RNF216: variants seen among roughly 807,000 people sequenced by gnomAD.
The protein encoded by RNF216 is ring finger protein 216.
RNF216 carries 72 observed loss-of-function variants against 110.8 expected under a neutral mutation model. The observed-to-expected ratio is 0.65, with a 90% CI of 0.54 to 0.79. The LOEUF (loss-of-function observed/expected upper bound fraction) is 0.79. Among genes scored for constraint, RNF216 ranks in the 30% least tolerant of loss-of-function variants. The pLI, the probability that RNF216 is intolerant of heterozygous loss-of-function variation, is 0.00. For synonymous variants in RNF216, 495 were observed against 407.5 expected (o/e 1.21, Z -2.59); for missense variants, 1,342 against 1,141.2 (o/e 1.18, Z -2.54).
At chr7:5,665,188 G>C (rs7804319) in intron 13 of RNF216, among the ~76,000 whole-genome samples, 12,220 of 152,210 alleles carry the variant, frequency 0.08, 579 homozygotes, top group African/African-American at 0.12. Flanking sequence ...TCACCATGCA[G>C]GGGATTCCTC....
chr7:5,759,630 C>CTTT (rs1410771169), intron 2 of RNF216, among the ~76,000 whole-genome samples: 7 of 5,810 alleles, frequency 1.2e-3, no homozygotes, highest in African/African-American at 1.5e-3. Context: ...AGTCATTTTT[C>CTTT]TTCTTTTTTT....
At chr7:5,709,566 A>C (rs1792529158) in intron 13 of RNF216, among the ~76,000 whole-genome samples, 2 of 152,138 alleles carry the variant, frequency 1.3e-5, no homozygotes, top group South Asian at 4.1e-4. Flanking sequence ...TGTTTCACTG[A>C]CCACAAGAAG....
intron 1 of RNF216, among the ~76,000 whole-genome samples, chr7:5,778,688 C>CT (rs1283147215): frequency 2.6e-5 from 4 of 152,234 alleles, no homozygotes; most frequent in African/African-American, 9.6e-5. Flanking sequence ...AAGTTCCACG[C>CT]TGACCCTTAC....
intron 5 of RNF216, among the ~76,000 whole-genome samples, chr7:5,737,698 A>T (rs551017302): frequency 6.6e-6 from 1 of 152,286 alleles, no homozygotes; most frequent in South Asian, 2.1e-4. Context: ...CTTCCTTCTC[A>T]GCCTTGGCAG....
intron 13 of RNF216, among the ~76,000 whole-genome samples, chr7:5,704,993 G>T (rs900362644): frequency 6.6e-6 from 1 of 152,142 alleles, no homozygotes; most frequent in African/African-American, 2.4e-5. Context: ...GGCATAAAAA[G>T]ATGTGAATAA....
chr7:5,626,751 T>TG lies in RNF216; in HGVS notation c.2383-2627dup, dbSNP rs547360125. 7.9e-5 allele frequency among the ~76,000 whole-genome samples: 12 copies of TG among 152,162 alleles called. No individual in the cohort carries two copies. The East Asian group carries it at 2.3e-3, about 29-fold the overall frequency. The stretch of plus-strand genomic sequence containing the variant: ...CGTGGGCCTACACCTCTTAGCTAAG[T>TG]GAGCTCGGCAGGTTCCTGAGTATCC... On this transcript the variant is annotated intron_variant, in intron 15 of 16. Transcript: ENST00000389902.
intron 1 of RNF216, among the ~76,000 whole-genome samples, chr7:5,778,649 G>A (rs968576219): frequency 2.6e-5 from 4 of 152,154 alleles, no homozygotes; most frequent in Non-Finnish European, 4.4e-5. Flanking sequence ...GATAATTAGT[G>A]GCATGAACTC....
At chr7:5,725,558 T>C (rs1046556978) in intron 7 of RNF216, 120 bp from the exon 8 acceptor site, 36 of 660,992 alleles carry the variant, frequency 5.4e-5, no homozygotes, top group Admixed American at 5.1e-4. Flanking sequence ...TGGCTAACAA[T>C]TGGTAGTGGC....
rs1554341032 is a variant in RNF216, at chr7:5,622,836, C to A, written c.*24G>T. 23 of 1,571,972 alleles carry A rather than the reference C, an allele frequency of 1.5e-5. No homozygotes were observed. The highest frequency in any genetic ancestry group is 1.5e-5 in the Non-Finnish European group (17 of 1,155,694). ...ACTCCTACCCCAAACGGGCTTTGTG[C>A]TGCTCAATGGGGATTCGGGGCCATC... On this transcript the variant is annotated 3_prime_UTR_variant, in exon 17 of 17. Coordinates refer to ENST00000389902, the MANE Select transcript of RNF216 (RefSeq NM_207111.4).
intron 13 of RNF216, among the ~76,000 whole-genome samples, chr7:5,655,543 T>A (rs948711065): frequency 2.0e-5 from 3 of 150,982 alleles, no homozygotes; most frequent in Admixed American, 6.6e-5. Flanking sequence ...GGGGCGGAGG[T>A]TGCAGTGAGC....
chr7:5,682,637 C>G (rs1301056147), intron 13 of RNF216, among the ~76,000 whole-genome samples: 1 of 152,108 alleles, frequency 6.6e-6, no homozygotes, highest in African/African-American at 2.4e-5. Context: ...GAACTCCTGA[C>G]CTCAAATGAT....
rs973857737 is a variant in RNF216 at position 5,660,425 on chromosome 7, G to A, written c.2062-7915C>T. On this transcript the variant is annotated intron_variant, in intron 13 of 16. Transcript: ENST00000389902. ...TCCCACCTCAGCCTCTCGAGTAGAT[G>A]GGAATACAGGCGCCCGCGACCACAC... Among the ~76,000 whole-genome samples the A allele has an allele frequency of 2.6e-5, 4 of 151,062 alleles. No individual in the cohort carries two copies. In the South Asian group the frequency reaches 6.3e-4, roughly 24 times the overall value.
intron 8 of RNF216, among the ~76,000 whole-genome samples, chr7:5,722,406 T>C (rs966920100): frequency 2.0e-5 from 3 of 151,878 alleles, no homozygotes; most frequent in African/African-American, 4.8e-5. Context: ...TTGTTTTTTT[T>C]TGAGACAGAG....
At chr7:5,739,169 A>G in intron 5 of RNF216, 107 bp downstream of exon 5, 1 of 1,301,344 alleles carries the variant, frequency 7.7e-7, no homozygotes, top group Non-Finnish European at 1.0e-6. Flanking sequence ...AATTTACTTA[A>G]CAACACCAAA....
chr7:5,739,829 C>T (rs1373977498), intron 4 of RNF216, among the ~76,000 whole-genome samples: 2 of 151,808 alleles, frequency 1.3e-5, no homozygotes, highest in Admixed American at 6.6e-5. Context: ...GGTGAAACCC[C>T]GTCTCTACTA....
rs576138298 is a variant in RNF216, at chr7:5,707,366, T to A, written c.2061+4395A>T. On this transcript the variant is annotated intron_variant, in intron 13 of 16. Transcript: ENST00000389902. Reference sequence around the variant, plus strand: ...CTTTACCCACTCCTTGGTTAAGTTGTTCCTAAGTATTCCAACTTTTTTGAT... The same window carrying A: ...CTTTACCCACTCCTTGGTTAAGTTGATCCTAAGTATTCCAACTTTTTTGAT... 2.3e-3 allele frequency among the ~76,000 whole-genome samples: 356 copies of A among 152,350 alleles called. 2 individuals are homozygous for A. The highest frequency in any genetic ancestry group is 2.8e-3 in the Non-Finnish European group (189 of 68,030).
rs11297322 is a variant in RNF216 at position 5,651,656 on chromosome 7, C to CT, written c.2159+756dup. On this transcript the variant is annotated intron_variant, in intron 14 of 16. Coordinates refer to ENST00000389902, the MANE Select transcript of RNF216 (RefSeq NM_207111.4). ...ACTTCGGTCATTGCATTCTTTTTTTCTTTTTTTTTTTGAGACGGAGTCTCG... is the reference window on the plus strand; with the variant it reads ...ACTTCGGTCATTGCATTCTTTTTTTCTTTTTTTTTTTTGAGACGGAGTCTCG... Among the ~76,000 whole-genome samples the CT allele has an allele frequency of 2.0e-3, 286 of 145,448 alleles. 1 individual carries two copies. The highest frequency in any genetic ancestry group is 2.0e-3 in the Non-Finnish European group (131 of 65,164).
At chr7:5,666,091 G>A (rs1789496713) in intron 13 of RNF216, among the ~76,000 whole-genome samples, 1 of 151,820 alleles carries the variant, frequency 6.6e-6, no homozygotes, top group African/African-American at 2.4e-5. Context: ...GCGTGAACCT[G>A]GGAGGCAGAG....
chr7:5,748,947 C>T (rs775868369), intron 3 of RNF216, among the ~76,000 whole-genome samples: 2 of 151,858 alleles, frequency 1.3e-5, no homozygotes, highest in Non-Finnish European at 2.9e-5. Flanking sequence ...TCTATATATG[C>T]GTTATGTGTG....
Sources: gnomAD v4.1 joint callset for allele counts (sites outside exome capture counted in the v4.1 genomes callset) on GRCh38, gnomAD v4.1.1 for gene constraint, MANE v1.5 for transcripts, NCBI Gene and HGNC (gene_info 2026-07-23, HGNC 2026-07-21) for gene names.